BPIFB4: variants seen among roughly 807,000 people sequenced by gnomAD.
BPIFB4 encodes the protein BPI fold-containing family B member 4.
Under a neutral mutation model 69.2 loss-of-function variants are expected in BPIFB4, and 62 were observed. The ratio of observed to expected loss-of-function variants is 0.90; its 90% CI spans 0.73 to 1.11. The LOEUF (loss-of-function observed/expected upper bound fraction) is 1.11. Among genes scored for constraint, BPIFB4 ranks in the 50% least tolerant of loss-of-function variants. BPIFB4 has a pLI of 0.00. For synonymous variants in BPIFB4, 330 were observed against 332.7 expected (o/e 0.99, Z 0.09); for missense variants, 789 against 792.0 (o/e 1.00, Z 0.04).
chr20:33,102,646 C>T (rs1169023188), intron 14 of BPIFB4, among the ~76,000 whole-genome samples: 1 of 152,188 alleles, frequency 6.6e-6, no homozygotes, highest in East Asian at 1.9e-4. Context: ...ATGGGAATAT[C>T]CCCTTTAGTC....
In BPIFB4 at chr20:33,090,776, G is replaced by A; in HGVS notation, c.1120G>A (p.Glu374Lys). 6 of 1,614,144 alleles carry A rather than the reference G, an allele frequency of 3.7e-6. No individual in the cohort carries two copies. The highest frequency in any genetic ancestry group is 5.1e-6 in the Non-Finnish European group (6 of 1,180,010). ...TFSSLPLVTG[E>K]FLELDLNTLV... Reference sequence around the variant, plus strand: ...CTCCAGCCTCCCGCTTGTGACCGGGGAATTCCTGGAGCTGGACCTCAACGT... The same window carrying A: ...CTCCAGCCTCCCGCTTGTGACCGGGAAATTCCTGGAGCTGGACCTCAACGT... Residue 374 changes from glutamate (E) to lysine (K), a missense_variant, in exon 10 of 18, where the codon GAA (glutamate) becomes AAA (lysine). Glu to Lys is a moderately conservative substitution (Grantham distance 56). Coordinates refer to ENST00000375483, the MANE Select transcript of BPIFB4 (RefSeq NM_182519.3).
chr20:33,107,098 G>A (rs2424965), intron 16 of BPIFB4, among the ~76,000 whole-genome samples: 45,985 of 151,726 alleles, frequency 0.3, 7,150 homozygotes, highest in Middle Eastern at 0.39. Flanking sequence ...CAGTTACTCA[G>A]GAGGCTGAGG....
At chr20:33,111,058 C>T (rs1222031304) in intron 17 of BPIFB4, among the ~76,000 whole-genome samples, 4 of 152,118 alleles carry the variant, frequency 2.6e-5, no homozygotes, top group African/African-American at 9.7e-5. Flanking sequence ...TCAGGTGATC[C>T]ACCTGCCTCA....
rs376383116 is a variant in BPIFB4, at chr20:33,082,964, G to A, written c.133G>A (p.Asp45Asn). 8 of 1,613,564 alleles carry A rather than the reference G, an allele frequency of 5.0e-6. No individual in the cohort carries two copies. The highest frequency in any genetic ancestry group is 1.1e-5 in the South Asian group (1 of 91,024). ...NAISGMLQQS[D>N]ALHSALREVP... ...CATTTCAGGCATGCTGCAGCAAAGT[G>A]ATGCTCTCCACTCGGCCCTGAGAGA... Residue 45 changes from aspartate to asparagine, a missense_variant, in exon 4 of 18, where the codon GAT becomes AAT. By Grantham distance (23) the Asp-to-Asn change is conservative. Transcript: ENST00000375483.
chr20:33,087,077 A>T (rs1981452311), intron 7 of BPIFB4, among the ~76,000 whole-genome samples: 1 of 152,162 alleles, frequency 6.6e-6, no homozygotes, highest in Admixed American at 6.5e-5. Context: ...TTCAGAGACG[A>T]TGGAGGCAAA....
chr20:33,093,159 C>A (rs757810113), intron 11 of BPIFB4, among the ~76,000 whole-genome samples: 2 of 152,176 alleles, frequency 1.3e-5, no homozygotes, highest in Non-Finnish European at 2.9e-5. Context: ...CTTAGATCCA[C>A]TAGTTAAAAT....
At chr20:33,103,563 CTT>C (rs1237656560) in intron 15 of BPIFB4, among the ~76,000 whole-genome samples, 20 of 152,312 alleles carry the variant, frequency 1.3e-4, no homozygotes, top group South Asian at 8.3e-4. Context: ...TGTTTTATCT[CTT>C]TGTTCACTCT....
intron 10 of BPIFB4, among the ~76,000 whole-genome samples, chr20:33,092,005 G>A (rs554628392): frequency 6.6e-6 from 1 of 152,150 alleles, no homozygotes; most frequent in African/African-American, 2.4e-5. Flanking sequence ...AGGCTCCATG[G>A]TGGGGGTAGT....
chr20:33,091,571 G>A (rs1981600843), intron 10 of BPIFB4, among the ~76,000 whole-genome samples: 1 of 152,250 alleles, frequency 6.6e-6, no homozygotes, highest in Non-Finnish European at 1.5e-5. Context: ...GTGTATACAG[G>A]CGCCCCTGCG....
intron 3 of BPIFB4, 113 bp from the exon 4 acceptor site, chr20:33,082,825 G>T: frequency 2.9e-6 from 3 of 1,046,892 alleles, no homozygotes; most frequent in South Asian, 1.3e-5. Context: ...TCTGCTCTTC[G>T]CTGGTGGGAA....
At chr20:33,096,255 G>T (rs1981750664) in intron 12 of BPIFB4, among the ~76,000 whole-genome samples, 1 of 152,158 alleles carries the variant, frequency 6.6e-6, no homozygotes, top group Admixed American at 6.5e-5. Context: ...TACAGCTTAT[G>T]AAATTGTTTT....
chr20:33,082,844 C>T lies in BPIFB4; in HGVS notation c.107-94C>T, dbSNP rs1981274416. On this transcript the variant is annotated intron_variant, in intron 3 of 17. Transcript: ENST00000375483. Reference sequence around the variant, plus strand: ...CTCTTCGCTGGTGGGAAAAGTGAGGCCCAGGGAGCTGAGCAACACTGCGAG... The same window carrying T: ...CTCTTCGCTGGTGGGAAAAGTGAGGTCCAGGGAGCTGAGCAACACTGCGAG... The T allele has an allele frequency of 2.4e-6, 3 of 1,257,448 alleles. No individual in the cohort carries two copies. In the South Asian group the frequency reaches 3.6e-5, roughly 15 times the overall value. The allele number at this position is 1,257,448 out of a possible 1,614,324, so 77.9% of individuals were successfully genotyped here. A position where few individuals can be genotyped will look rare whatever the true frequency, so the allele number is the denominator to read the frequency against.
chr20:33,089,426 C>G lies in BPIFB4; in HGVS notation c.991-72C>G. ...TCAGTAAATTTTAGCTATCGTTACT[C>G]TTGCGTCCCCGACTCCCTTGCTCCT... On this transcript the variant is annotated intron_variant, in intron 8 of 17. Coordinates refer to ENST00000375483, the MANE Select transcript of BPIFB4 (RefSeq NM_182519.3). The G allele has an allele frequency of 1.9e-6, 3 of 1,608,144 alleles. No homozygotes were observed. In the South Asian group the frequency reaches 3.3e-5, roughly 18 times the overall value.
chr20:33,092,107 C>T (rs1396398613), intron 10 of BPIFB4, among the ~76,000 whole-genome samples: 1 of 152,142 alleles, frequency 6.6e-6, no homozygotes, highest in Admixed American at 6.5e-5. Flanking sequence ...TCTCCTGGAG[C>T]AGATCACCTA....
intron 16 of BPIFB4, among the ~76,000 whole-genome samples, chr20:33,105,707 C>A (rs1188520732): frequency 6.6e-6 from 1 of 152,154 alleles, no homozygotes; most frequent in Non-Finnish European, 1.5e-5. Context: ...CTGTTGGAGC[C>A]ATCTTGATGT....
chr20:33,107,275 G>GAAAAGA (rs1982092721), intron 16 of BPIFB4, among the ~76,000 whole-genome samples: 1 of 126,750 alleles, frequency 7.9e-6, no homozygotes, highest in Non-Finnish European at 1.8e-5. Flanking sequence ...AAGAGAAAAG[G>GAAAAGA]GAAAAGAAAA....
At chr20:33,111,340 G>A (rs1013070376) in intron 17 of BPIFB4, 74 bp from the exon 18 acceptor site, 16 of 1,582,134 alleles carry the variant, frequency 1.0e-5, no homozygotes, top group Middle Eastern at 3.3e-4. Context: ...GGCCAGATCC[G>A]TAGGCAGGTG....
intron 5 of BPIFB4, 112 bp from the exon 6 acceptor site, chr20:33,084,780 G>C: frequency 1.4e-6 from 2 of 1,473,204 alleles, no homozygotes; most frequent in Non-Finnish European, 1.8e-6. Context: ...AGTGTCTTTA[G>C]AGTCAGAAGG....
chr20:33,090,591 A>T, intron 9 of BPIFB4, 117 bp from the exon 10 acceptor site: 1 of 1,496,706 alleles, frequency 6.7e-7, no homozygotes, highest in Non-Finnish European at 8.9e-7. Context: ...TGCTCTTTTC[A>T]TGGTGTCTGG....
Sources: gnomAD v4.1 joint callset for allele counts (sites outside exome capture counted in the v4.1 genomes callset) on GRCh38, gnomAD v4.1.1 for gene constraint, MANE v1.5 for transcripts, NCBI Gene and HGNC (gene_info 2026-07-23, HGNC 2026-07-21) for gene names.